Variants in DPYD observed in about 807,000 individuals in gnomAD.
DPYD encodes the protein dihydropyrimidine dehydrogenase [NADP(+)].
DPYD carries 109 observed loss-of-function variants against 116.2 expected under a neutral mutation model. The ratio of observed to expected loss-of-function variants is 0.94; its 90% CI spans 0.80 to 1.10. The LOEUF is 1.10. Ranked by LOEUF, DPYD falls within the 50% of genes least tolerant of loss-of-function variation. DPYD has a pLI of 0.00. For synonymous variants in DPYD, 440 were observed against 432.0 expected (o/e 1.02, Z -0.23); for missense variants, 1,302 against 1,254.5 (o/e 1.04, Z -0.57).
intron 10 of DPYD, among the ~76,000 whole-genome samples, chr1:97,588,090 A>G (rs910915635): frequency 6.6e-6 from 1 of 152,198 alleles, no homozygotes; most frequent in Admixed American, 6.5e-5. Context: ...CAGACTGAGC[A>G]ATCCGGTATT....
At chr1:97,168,736 A>G (rs556480023) in intron 20 of DPYD, among the ~76,000 whole-genome samples, 5 of 152,164 alleles carry the variant, frequency 3.3e-5, no homozygotes, top group African/African-American at 1.2e-4. Context: ...ATATTCAGAA[A>G]TTTTCAGAAT....
At chr1:97,242,166 A>ATATATG (rs1662414520) in intron 18 of DPYD, among the ~76,000 whole-genome samples, 1 of 115,102 alleles carries the variant, frequency 8.7e-6, no homozygotes, top group Non-Finnish European at 1.8e-5. Context: ...ATATATATAT[A>ATATATG]TATATCTTCT....
chr1:97,725,430 T>A (rs1003221358), intron 4 of DPYD, among the ~76,000 whole-genome samples: 1 of 151,494 alleles, frequency 6.6e-6, no homozygotes, highest in African/African-American at 2.4e-5. Flanking sequence ...CCAGCTGAGT[T>A]TGCAAAAATT....
At chr1:97,522,133 GAGA>G (rs1382058859) in intron 12 of DPYD, among the ~76,000 whole-genome samples, 3 of 152,126 alleles carry the variant, frequency 2.0e-5, no homozygotes, top group South Asian at 2.1e-4. Flanking sequence ...TACAGAACAG[GAGA>G]AGATTTCTGT....
chr1:97,570,077 T>C (rs1461160622), intron 11 of DPYD, among the ~76,000 whole-genome samples: 2 of 152,020 alleles, frequency 1.3e-5, no homozygotes, highest in Admixed American at 6.6e-5. Flanking sequence ...GGAATATTTA[T>C]TACAGATATA....
At chr1:97,433,463 T>C (rs573769920) in intron 14 of DPYD, among the ~76,000 whole-genome samples, 3 of 152,354 alleles carry the variant, frequency 2.0e-5, no homozygotes, top group Non-Finnish European at 2.9e-5. Flanking sequence ...CATGAGTTTC[T>C]GCTCTCCTTG....
intron 20 of DPYD, among the ~76,000 whole-genome samples, chr1:97,155,511 G>GT (rs1655380989): frequency 6.6e-6 from 1 of 152,070 alleles, no homozygotes; most frequent in Non-Finnish European, 1.5e-5. Context: ...TGCATTAGTT[G>GT]TTTTTATTAT....
chr1:97,208,523 C>T (rs1033593930), intron 19 of DPYD, among the ~76,000 whole-genome samples: 2 of 151,932 alleles, frequency 1.3e-5, no homozygotes, highest in Non-Finnish European at 2.9e-5. Flanking sequence ...TGGGCTTAAG[C>T]GATCCTCCTG....
chr1:97,701,121 A>G (rs992518258), intron 5 of DPYD, among the ~76,000 whole-genome samples: 1 of 149,682 alleles, frequency 6.7e-6, no homozygotes, highest in East Asian at 2.0e-4. Context: ...GCACAGATAG[A>G]TAAGTGTAAA....
At chr1:97,825,438 A>G (rs888202961) in intron 3 of DPYD, among the ~76,000 whole-genome samples, 1 of 151,954 alleles carries the variant, frequency 6.6e-6, no homozygotes, top group African/African-American at 2.4e-5. Flanking sequence ...TGTTCCAGTT[A>G]CTCCTGGCTA....
intron 19 of DPYD, 25 bp downstream of exon 19, chr1:97,234,827 A>C (rs777921798): frequency 3.7e-6 from 6 of 1,613,208 alleles, no homozygotes; most frequent in Non-Finnish European, 3.4e-6. Context: ...GATTTTTAAA[A>C]GGGACAGACA....
intron 3 of DPYD, among the ~76,000 whole-genome samples, chr1:97,761,422 G>C (rs1665570034): frequency 6.6e-6 from 1 of 152,002 alleles, no homozygotes; most frequent in Admixed American, 6.6e-5. Flanking sequence ...AACAAAATGA[G>C]CAGAAATTAA....
At chr1:97,609,803 A>G (rs980009384) in intron 8 of DPYD, among the ~76,000 whole-genome samples, 4 of 152,014 alleles carry the variant, frequency 2.6e-5, no homozygotes, top group African/African-American at 4.8e-5. Context: ...ATGTTAATAT[A>G]GCTATTTTAT....
At chr1:97,680,799 T>C (rs991337341) in intron 7 of DPYD, among the ~76,000 whole-genome samples, 1 of 152,132 alleles carries the variant, frequency 6.6e-6, no homozygotes, top group Non-Finnish European at 1.5e-5. Flanking sequence ...ATGAACTCTA[T>C]AATCAGGGAC....
rs372547616 is a variant in DPYD at position 97,091,511 on chromosome 1, T to A, written c.2766+6978A>T. ...CACAATAAAAGGACAAGAAGCAATG[T>A]CTGATTCATGTGCAGACAGAAAATG... On this transcript the variant is annotated intron_variant, in intron 21 of 22. Transcript: ENST00000370192. Among the ~76,000 whole-genome samples, 17 of 152,218 alleles carry A rather than the reference T, an allele frequency of 1.1e-4. 1 individual carries two copies. The East Asian group carries it at 1.9e-3, about 17-fold the overall frequency.
intron 4 of DPYD, among the ~76,000 whole-genome samples, chr1:97,727,773 G>T (rs1663356427): frequency 6.6e-6 from 1 of 151,766 alleles, no homozygotes; most frequent in Non-Finnish European, 1.5e-5. Context: ...ATTAGGAGGG[G>T]AACACCTCCT....
intron 16 of DPYD, among the ~76,000 whole-genome samples, chr1:97,324,380 T>G (rs1668603500): frequency 6.6e-6 from 1 of 152,042 alleles, no homozygotes; most frequent in African/African-American, 2.4e-5. Context: ...CTCTTTTTAT[T>G]TAGTCTCCAA....
chr1:97,614,692 C>T (rs1052777598), intron 8 of DPYD, among the ~76,000 whole-genome samples: 4 of 152,044 alleles, frequency 2.6e-5, no homozygotes, highest in Admixed American at 2.0e-4. Context: ...AAGATGCACA[C>T]TTTTCAATAT....
rs10157396 is a variant in DPYD at position 97,694,197 on chromosome 1, C to T, written c.681-2399G>A. On this transcript the variant is annotated intron_variant, in intron 6 of 22. Transcript: ENST00000370192. ...TGAGAGAATCCATTTCCCAGCATCT[C>T]CTGAAGCAAATCAGAGAAATATGAA... is the stretch of plus-strand genomic sequence containing the variant. Among the ~76,000 whole-genome samples, 354 of 152,254 alleles carry T rather than the reference C, an allele frequency of 2.3e-3. 4 individuals carry two copies. Among genetic ancestry groups the T allele is most frequent in the African/African-American group, 8.2e-3 (339 of 41,530 alleles).
Sources: gnomAD v4.1 joint callset for allele counts (sites outside exome capture counted in the v4.1 genomes callset) on GRCh38, gnomAD v4.1.1 for gene constraint, MANE v1.5 for transcripts, NCBI Gene and HGNC (gene_info 2026-07-23, HGNC 2026-07-21) for gene names.